Variants in OSTC observed in about 807,000 individuals in gnomAD.
OSTC encodes the protein oligosaccharyltransferase complex subunit OSTC.
Under a neutral mutation model 16.4 loss-of-function variants are expected in OSTC, and 16 were observed. That is an observed-to-expected ratio of 0.98 (90% CI 0.66 to 1.49). OSTC has a LOEUF of 1.49. OSTC is among the 40% of genes most tolerant of loss of function. The pLI is 0.00. For synonymous variants in OSTC, 67 were observed against 68.5 expected, an observed-to-expected ratio of 0.98 and a Z score of 0.11; for missense variants, 139 against 186.3, an observed-to-expected ratio of 0.75 and a Z score of 1.48.
intron 3 of OSTC, among the ~76,000 whole-genome samples, chr4:108,662,870 C>G (rs1345249879): frequency 2.0e-5 from 3 of 152,188 alleles, no homozygotes; most frequent in African/African-American, 7.2e-5. Context: ...GGACGTAATT[C>G]ATTCTAAAGA....
intron 3 of OSTC, among the ~76,000 whole-genome samples, chr4:108,665,912 A>G (rs192721367): frequency 1.3e-5 from 2 of 151,486 alleles, no homozygotes; most frequent in Admixed American, 1.3e-4. Flanking sequence ...TTTTTTCCTG[A>G]TCCTGTAGAT....
chr4:108,661,001 G>C (rs892092641), intron 3 of OSTC, among the ~76,000 whole-genome samples: 1 of 152,112 alleles, frequency 6.6e-6, no homozygotes, highest in Non-Finnish European at 1.5e-5. Flanking sequence ...CAGATCACTT[G>C]AGGTCAGGAG....
chr4:108,658,699 GTATTT>G (rs1489767215), intron 3 of OSTC, among the ~76,000 whole-genome samples: 6 of 152,188 alleles, frequency 3.9e-5, no homozygotes, highest in South Asian at 2.1e-4. Context: ...TTTATTTTTA[GTATTT>G]TATTTTTTAG....
At chr4:108,656,646 G>C (rs1475473964) in intron 2 of OSTC, among the ~76,000 whole-genome samples, 2 of 151,920 alleles carry the variant, frequency 1.3e-5, no homozygotes, top group East Asian at 3.9e-4. Context: ...GTTCTTATGG[G>C]ACCCATGGAG....
rs1726678659 is a variant in OSTC, at chr4:108,655,550, T to C, written c.140-14T>C. 1 of 1,495,990 alleles carries C rather than the reference T, an allele frequency of 6.7e-7. No individual in the cohort carries two copies. Among genetic ancestry groups the C allele is most frequent in the Non-Finnish European group, 9.3e-7 (1 of 1,075,988 alleles). The allele number at this position is 1,495,990 out of a possible 1,614,324, so 92.7% of individuals were successfully genotyped here. On this transcript the variant is annotated splice_polypyrimidine_tract_variant and intron_variant, in intron 1 of 3. Transcript: ENST00000361564. ...AGTAATACAATCTAATCTGTTCTGT[T>C]GTCTTTCTTATAGGAATAATTTATG... is the stretch of plus-strand genomic sequence containing the variant.
At chr4:108,656,813 A>G (rs999220740) in intron 2 of OSTC, among the ~76,000 whole-genome samples, 1 of 152,212 alleles carries the variant, frequency 6.6e-6, no homozygotes, top group African/African-American at 2.4e-5. Context: ...AAAAAAGCTA[A>G]CCTAGACCGG....
At chr4:108,660,425 T>C (rs987903004) in intron 3 of OSTC, among the ~76,000 whole-genome samples, 2 of 152,200 alleles carry the variant, frequency 1.3e-5, no homozygotes, top group Non-Finnish European at 2.9e-5. Flanking sequence ...AATGATACTA[T>C]CTTTCCTGGA....
At chr4:108,659,843 G>A (rs1726807606) in intron 3 of OSTC, among the ~76,000 whole-genome samples, 1 of 152,304 alleles carries the variant, frequency 6.6e-6, no homozygotes, top group Middle Eastern at 3.4e-3. Context: ...TGTCAGAACA[G>A]AGAAAGTGTC....
chr4:108,664,546 T>C (rs1030104359), intron 3 of OSTC, among the ~76,000 whole-genome samples: 1 of 151,856 alleles, frequency 6.6e-6, no homozygotes, highest in African/African-American at 2.4e-5. Flanking sequence ...CAAATTTATG[T>C]GAGGTCTTTA....
At chr4:108,653,385 G>A (rs1167876910) in intron 1 of OSTC, among the ~76,000 whole-genome samples, 1 of 152,186 alleles carries the variant, frequency 6.6e-6, no homozygotes, top group East Asian at 1.9e-4. Flanking sequence ...AAGAGTTCGG[G>A]GAAAGGATAT....
At chr4:108,660,162 A>G (rs973472046) in intron 3 of OSTC, among the ~76,000 whole-genome samples, 3 of 152,132 alleles carry the variant, frequency 2.0e-5, no homozygotes, top group African/African-American at 7.2e-5. Flanking sequence ...CTAAATCCAA[A>G]CTTTAGGCTA....
chr4:108,651,411 CGAT>C (rs1726540063), intron 1 of OSTC: 1 of 152,402 alleles, frequency 6.6e-6, no homozygotes, highest in African/African-American at 2.4e-5. Flanking sequence ...GATTTGCAGA[CGAT>C]ACTGTATTTC....
intron 3 of OSTC, 32 bp from the exon 4 acceptor site, chr4:108,667,215 C>T: frequency 6.3e-7 from 1 of 1,587,356 alleles, no homozygotes; most frequent in Non-Finnish European, 8.6e-7. Context: ...CAATTCTTTT[C>T]ACTTTTTGTG....
At chr4:108,652,814 G>C (rs534727871) in intron 1 of OSTC, among the ~76,000 whole-genome samples, 1 of 152,166 alleles carries the variant, frequency 6.6e-6, no homozygotes, top group Non-Finnish European at 1.5e-5. Context: ...GAGCCAGTTG[G>C]ATCATTTGAG....
At chr4:108,664,042 C>T (rs1296600428) in intron 3 of OSTC, among the ~76,000 whole-genome samples, 1 of 152,100 alleles carries the variant, frequency 6.6e-6, no homozygotes, top group African/African-American at 2.4e-5. Context: ...TGTATTTCAA[C>T]AATTTTATTT....
chr4:108,659,072 A>G (rs1726786625), intron 3 of OSTC, among the ~76,000 whole-genome samples: 1 of 141,380 alleles, frequency 7.1e-6, no homozygotes, highest in Non-Finnish European at 1.5e-5. Flanking sequence ...TCCGCCTCCC[A>G]GGTTCAAGAG....
At chr4:108,659,693 C>T (rs1450983739) in intron 3 of OSTC, among the ~76,000 whole-genome samples, 1 of 152,014 alleles carries the variant, frequency 6.6e-6, no homozygotes, top group Non-Finnish European at 1.5e-5. Flanking sequence ...GGCGTGAACC[C>T]AGGAGGCAGA....
intron 3 of OSTC, among the ~76,000 whole-genome samples, chr4:108,662,406 G>A (rs1726879881): frequency 6.6e-6 from 1 of 152,106 alleles, no homozygotes; most frequent in Admixed American, 6.6e-5. Context: ...ACTCATATTT[G>A]TATGTAGCAA....
rs766585998 is a variant in OSTC, at chr4:108,658,971, C to CTTTT, written c.431+1346_431+1349dup. On this transcript the variant is annotated intron_variant, in intron 3 of 3. Transcript: ENST00000361564. ...TGCTCAGTTTCCTCTGGCAGCAGCT[C>CTTTT]TTTTTTTTTTTTTTTTTTTTTTTTT... Among the ~76,000 whole-genome samples the CTTTT allele has an allele frequency of 1.1e-3, 90 of 83,894 alleles. 1 individual carries two copies. Among genetic ancestry groups the CTTTT allele is most frequent in the African/African-American group, 3.0e-3 (57 of 18,886 alleles). The allele number at this position is 83,894 out of a possible 152,430, so 55.0% of individuals were successfully genotyped here.
Sources: allele counts gnomAD v4.1 joint callset (sites outside exome capture counted in the v4.1 genomes callset), GRCh38; gene constraint gnomAD v4.1.1; transcripts MANE v1.5; gene names NCBI Gene and HGNC (gene_info 2026-07-23, HGNC 2026-07-21).